The following LONP1 variants were observed in gnomAD, a reference collection of about 807,000 sequenced individuals.
LONP1 encodes the protein lon protease homolog, mitochondrial.
Under a neutral mutation model 98.5 loss-of-function variants are expected in LONP1, and 31 were observed. The ratio of observed to expected loss-of-function variants is 0.31; its 90% CI spans 0.24 to 0.42. The LOEUF (loss-of-function observed/expected upper bound fraction) is 0.42, where lower values mean the gene tolerates loss of function less well. Ranked by LOEUF, LONP1 falls within the 20% of genes least tolerant of loss-of-function variation. LONP1 has a pLI of 1.00. For missense variants in LONP1, 1,336 were observed against 1,350.6 expected (o/e 0.99, Z 0.17); for synonymous variants, 781 against 594.7 (o/e 1.31, Z -4.56).
intron 8 of LONP1, among the ~76,000 whole-genome samples, chr19:5,704,388 G>GA (rs1330351494): frequency 6.6e-6 from 1 of 152,210 alleles, no homozygotes; most frequent in Non-Finnish European, 1.5e-5. Context: ...GCTGGGAGGG[G>GA]AAGCCACAGC....
chr19:5,708,620 A>C, intron 4 of LONP1: 1 of 552,750 alleles, frequency 1.8e-6, no homozygotes, highest in African/African-American at 1.9e-5. Context: ...GTCAAAACTA[A>C]AACCAAACCC....
chr19:5,713,320 G>T, intron 2 of LONP1, 67 bp from the exon 3 acceptor site: 1 of 1,542,796 alleles, frequency 6.5e-7, no homozygotes. Context: ...GTCTCTGGCT[G>T]AGATGGAGGA....
In LONP1 at chr19:5,696,762, G is replaced by T. The variant is rs1180046172; in HGVS notation, c.1686-5C>A. 1 of 1,606,756 alleles carries T rather than the reference G, an allele frequency of 6.2e-7. No homozygotes were observed. Among genetic ancestry groups the T allele is most frequent in the Non-Finnish European group, 8.5e-7 (1 of 1,174,318 alleles). On this transcript the variant is annotated splice_polypyrimidine_tract_variant and splice_region_variant and intron_variant, in intron 10 of 17. Coordinates refer to ENST00000360614, the MANE Select transcript of LONP1 (RefSeq NM_004793.4). The stretch of plus-strand genomic sequence containing the variant: ...ATGGCGCCCACGTAGGTCCGCCTGT[G>T]GGTGCACAGCGGGGTCAGAGGTCAC...
chr19:5,707,605 G>GAGGAGGAACGGGGGC (rs1282390835), intron 6 of LONP1, 92 bp downstream of exon 6: 4 of 1,412,518 alleles, frequency 2.8e-6, no homozygotes, highest in Non-Finnish European at 3.9e-6. Flanking sequence ...TGGGGGAGCT[G>GAGGAGGAACGGGGGC]AGGAGGAACG....
rs116446356 is a variant in LONP1 at position 5,720,115 on chromosome 19, G to A, written c.18C>T (p.Gly6=). The change falls in exon 1 of 18, where the codon GGC becomes GGT. Residue 6 remains glycine (G), a synonymous_variant. Transcript: ENST00000360614. MAAST[G]YVRLWGAARC... is the part of the protein sequence containing the mutation. ...GCGCCGCTCCCCACAGTCGCACGTA[G>A]CCAGTGCTCGCCGCCATAGCCCGGC... is the stretch of plus-strand genomic sequence containing the variant. 9.5e-4 allele frequency: 1,356 copies of A among 1,432,102 alleles called. 12 individuals are homozygous for A. In the African/African-American group the frequency reaches 0.017, roughly 18 times the overall value. 88.7% of individuals were successfully genotyped at this position (1,432,102 alleles called of 1,614,324 possible). A position where few individuals can be genotyped will look rare whatever the true frequency, so the allele number is the denominator to read the frequency against.
chr19:5,701,384 C>T (rs2055039832), intron 8 of LONP1, among the ~76,000 whole-genome samples: 2 of 152,036 alleles, frequency 1.3e-5, no homozygotes, highest in South Asian at 4.2e-4. Flanking sequence ...GATGCCGAGC[C>T]GAGGCTGGAC....
At chr19:5,701,285 A>C (rs2055036976) in intron 8 of LONP1, among the ~76,000 whole-genome samples, 1 of 152,076 alleles carries the variant, frequency 6.6e-6, no homozygotes, top group African/African-American at 2.4e-5. Context: ...CTCTACTAAA[A>C]ATACAAAAAA....
chr19:5,693,844 A>G (rs773576105), intron 15 of LONP1, 75 bp from the exon 16 acceptor site: 125 of 1,253,374 alleles, frequency 1.0e-4, no homozygotes, highest in Middle Eastern at 6.7e-4. Context: ...CCTCGGGGCC[A>G]CTCTGACCGC....
chr19:5,702,618 C>T (rs920512342), intron 8 of LONP1, among the ~76,000 whole-genome samples: 7 of 152,138 alleles, frequency 4.6e-5, no homozygotes, highest in Non-Finnish European at 7.4e-5. Context: ...GGATGGTTGC[C>T]GTGTCTGTGT....
intron 13 of LONP1, among the ~76,000 whole-genome samples, chr19:5,695,800 A>T (rs1326402926): frequency 1.3e-5 from 2 of 152,192 alleles, no homozygotes; most frequent in Admixed American, 6.5e-5. Flanking sequence ...AGGCCCCGGG[A>T]GACAGAGTGT....
chr19:5,697,272 G>A (rs1017132251), intron 10 of LONP1, among the ~76,000 whole-genome samples: 4 of 152,056 alleles, frequency 2.6e-5, no homozygotes, highest in Admixed American at 6.6e-5. Context: ...CAGGGAGGCA[G>A]GGATGGAGGG....
At chr19:5,717,818 G>A (rs2055345660) in intron 1 of LONP1, among the ~76,000 whole-genome samples, 1 of 151,796 alleles carries the variant, frequency 6.6e-6, no homozygotes, top group South Asian at 2.1e-4. Flanking sequence ...AGTTTCAAGT[G>A]ATCCTCCTGC....
At chr19:5,705,554 C>T (rs2055131220) in intron 8 of LONP1, among the ~76,000 whole-genome samples, 1 of 152,096 alleles carries the variant, frequency 6.6e-6, no homozygotes, top group Non-Finnish European at 1.5e-5. Flanking sequence ...CCCTGGCCAC[C>T]AGCTCAACAG....
chr19:5,702,989 G>T (rs983354422), intron 8 of LONP1, among the ~76,000 whole-genome samples: 1 of 148,374 alleles, frequency 6.7e-6, no homozygotes, highest in Non-Finnish European at 1.5e-5. Flanking sequence ...ATCCCCCTCT[G>T]CGAGAAACAC....
intron 1 of LONP1, among the ~76,000 whole-genome samples, chr19:5,718,962 G>A (rs913273427): frequency 1.3e-5 from 2 of 152,082 alleles, no homozygotes; most frequent in Non-Finnish European, 2.9e-5. Context: ...TAAGCCTCCT[G>A]TCCCATCCAT....
chr19:5,697,868 C>T (rs2145589256), intron 10 of LONP1, among the ~76,000 whole-genome samples: 1 of 152,202 alleles, frequency 6.6e-6, no homozygotes, highest in East Asian at 1.9e-4. Context: ...GTTCAGAACC[C>T]CGCCAGGGTC....
rs2054830127 is a variant in LONP1, at chr19:5,691,969, A to G, written c.*63T>C. Reference sequence around the variant, plus strand: ...ACTGCCAGGTCCGGGCGCGCTCCCCACAGCGCTCAGTTCTGGCCCAGACAG... The same window carrying G: ...ACTGCCAGGTCCGGGCGCGCTCCCCGCAGCGCTCAGTTCTGGCCCAGACAG... On this transcript the variant is annotated 3_prime_UTR_variant, in exon 18 of 18. Coordinates refer to ENST00000360614, the MANE Select transcript of LONP1 (RefSeq NM_004793.4). 1 of 883,964 alleles carries G rather than the reference A, an allele frequency of 1.1e-6. No individual in the cohort carries two copies. Among genetic ancestry groups the G allele is most frequent in the Non-Finnish European group, 1.6e-6 (1 of 609,478 alleles). The allele number at this position is 883,964 out of a possible 1,614,324, so 54.8% of individuals were successfully genotyped here. A position where few individuals can be genotyped will look rare whatever the true frequency, so the allele number is the denominator to read the frequency against.
chr19:5,697,667 A>C (rs534729606), intron 10 of LONP1, among the ~76,000 whole-genome samples: 1 of 150,608 alleles, frequency 6.6e-6, no homozygotes, highest in Non-Finnish European at 1.5e-5. Flanking sequence ...TGACCGAGGA[A>C]CGTGGGAGCC....
At chr19:5,703,030 AAT>A (rs916377146) in intron 8 of LONP1, among the ~76,000 whole-genome samples, 1 of 151,710 alleles carries the variant, frequency 6.6e-6, no homozygotes. Flanking sequence ...AAAAAAAAAA[AAT>A]TAGCTGGGCG....
Sources: gnomAD v4.1 joint callset for allele counts (sites outside exome capture counted in the v4.1 genomes callset) on GRCh38, gnomAD v4.1.1 for gene constraint, MANE v1.5 for transcripts, NCBI Gene and HGNC (gene_info 2026-07-23, HGNC 2026-07-21) for gene names.